The following ASNS variants were observed in gnomAD, a reference collection of about 807,000 sequenced individuals.
ASNS encodes asparagine synthetase [glutamine-hydrolyzing].
ASNS carries 37 observed loss-of-function variants against 62.6 expected under a neutral mutation model. That is an observed-to-expected ratio of 0.59 (90% CI 0.45 to 0.78). ASNS has a LOEUF of 0.78. Among genes scored for constraint, ASNS ranks in the 30% least tolerant of loss-of-function variants. The pLI, the probability that ASNS is intolerant of heterozygous loss-of-function variation, is 0.00. For synonymous variants in ASNS, 207 were observed against 237.9 expected (o/e 0.87, Z 1.19); for missense variants, 520 against 682.4 (o/e 0.76, Z 2.65).
the ASNS span, among the ~76,000 whole-genome samples, chr7:97,905,144 A>G: frequency 2.6e-5 from 4 of 152,206 alleles, no homozygotes; most frequent in African/African-American, 7.2e-5. Flanking sequence ...CCAAGATCTA[A>G]CATCGCCACT....
chr7:97,896,124 C>A, the ASNS span, among the ~76,000 whole-genome samples: 1 of 152,060 alleles, frequency 6.6e-6, no homozygotes, highest in African/African-American at 2.4e-5. Flanking sequence ...AATGACCATA[C>A]TACCTGAAGC....
At chr7:97,925,928 C>T in the ASNS span, among the ~76,000 whole-genome samples, 6,361 of 152,082 alleles carry the variant, frequency 0.042, 296 homozygotes, top group African/African-American at 0.11. Flanking sequence ...CATTCACAAG[C>T]GGTCAATAAA....
the ASNS span, chr7:97,906,822 T>C: frequency 1.3e-5 from 2 of 152,040 alleles, no homozygotes; most frequent in African/African-American, 2.4e-5. Flanking sequence ...GGACAGCCAA[T>C]GATATAGTTC....
At chr7:97,900,822 G>C in the ASNS span, among the ~76,000 whole-genome samples, 4 of 151,986 alleles carry the variant, frequency 2.6e-5, no homozygotes. Flanking sequence ...GGATTTGCAC[G>C]TATAATCTTG....
chr7:97,915,607 G>C, the ASNS span, among the ~76,000 whole-genome samples: 1 of 152,130 alleles, frequency 6.6e-6, no homozygotes, highest in Non-Finnish European at 1.5e-5. Flanking sequence ...CAGATAACAG[G>C]GGGTTGCTGT....
the ASNS span, among the ~76,000 whole-genome samples, chr7:97,924,274 C>T: frequency 6.6e-6 from 1 of 152,318 alleles, no homozygotes; most frequent in Admixed American, 6.5e-5. Context: ...TGTCCACCAA[C>T]ATGCGCAGGT....
chr7:97,869,542 G>C (rs935295936), intron 2 of ASNS, among the ~76,000 whole-genome samples: 1 of 152,118 alleles, frequency 6.6e-6, no homozygotes, highest in African/African-American at 2.4e-5. Context: ...ATGCAGGCTG[G>C]CTCCAACCTA....
intron 8 of ASNS, 47 bp downstream of exon 8, chr7:97,856,643 T>C: frequency 1.4e-6 from 2 of 1,461,842 alleles, no homozygotes; most frequent in South Asian, 1.4e-5. Context: ...TACATTTTTT[T>C]CAGTATTAAA....
chr7:97,854,360 C>T lies in ASNS; in HGVS notation c.1238+220G>A, dbSNP rs73396234. Among the ~76,000 whole-genome samples the T allele has an allele frequency of 8.6e-3, 1,316 of 152,330 alleles. 13 individuals are homozygous for T. Among genetic ancestry groups the T allele is most frequent in the African/African-American group, 0.03 (1,256 of 41,582 alleles). ...GAAGAAGACTTCTCTCCATATACCA[C>T]AACACCACTTTGAAATGTGGCCTAA... On this transcript the variant is annotated intron_variant, in intron 10 of 12. Coordinates refer to ENST00000394308, the MANE Select transcript of ASNS (RefSeq NM_001673.5).
chr7:97,918,968 G>A, the ASNS span, among the ~76,000 whole-genome samples: 4 of 152,244 alleles, frequency 2.6e-5, no homozygotes, highest in South Asian at 8.3e-4. Flanking sequence ...AAAGAAAAAG[G>A]TGTGGAGAGG....
chr7:97,855,979 G>A (rs1188371160), intron 8 of ASNS, among the ~76,000 whole-genome samples: 1 of 152,100 alleles, frequency 6.6e-6, no homozygotes, highest in Non-Finnish European at 1.5e-5. Context: ...TCTCAACCTT[G>A]TTTTTATTAT....
intron 3 of ASNS, among the ~76,000 whole-genome samples, chr7:97,866,254 A>C (rs1416435745): frequency 6.6e-6 from 1 of 152,236 alleles, no homozygotes; most frequent in Non-Finnish European, 1.5e-5. Context: ...TCATTCCCTG[A>C]AAAATAAATG....
At chr7:97,912,591 T>TTG in the ASNS span, among the ~76,000 whole-genome samples, 1 of 79,374 alleles carries the variant, frequency 1.3e-5, no homozygotes, top group African/African-American at 5.2e-5. Flanking sequence ...TTTTTTTTTT[T>TTG]TTCTGTTTTC....
chr7:97,857,502 TC>T (rs1453167039), intron 7 of ASNS, among the ~76,000 whole-genome samples: 1 of 151,684 alleles, frequency 6.6e-6, no homozygotes, highest in Non-Finnish European at 1.5e-5. Context: ...CCTTAAAATT[TC>T]CCCATAGCAG....
At chr7:97,925,320 ACAG>A in the ASNS span, among the ~76,000 whole-genome samples, 3 of 152,134 alleles carry the variant, frequency 2.0e-5, no homozygotes, top group Non-Finnish European at 4.4e-5. Flanking sequence ...CATAAAGGGT[ACAG>A]CAGGGACCCA....
chr7:97,885,258 A>G, the ASNS span, among the ~76,000 whole-genome samples: 1 of 152,262 alleles, frequency 6.6e-6, no homozygotes, highest in Non-Finnish European at 1.5e-5. Context: ...ATTCCATTGC[A>G]TAGTCAAACC....
chr7:97,867,780 T>C (rs1792047003), intron 3 of ASNS, among the ~76,000 whole-genome samples: 1 of 152,188 alleles, frequency 6.6e-6, no homozygotes, highest in Non-Finnish European at 1.5e-5. Context: ...TAAAGAAATG[T>C]GTAAAAGGAA....
the ASNS span, among the ~76,000 whole-genome samples, chr7:97,905,665 C>G: frequency 6.6e-6 from 1 of 152,162 alleles, no homozygotes; most frequent in Admixed American, 6.5e-5. Context: ...CTCTGCCTTT[C>G]CCATGTTATA....
chr7:97,882,859 T>C, the ASNS span, among the ~76,000 whole-genome samples: 1 of 152,180 alleles, frequency 6.6e-6, no homozygotes, highest in Non-Finnish European at 1.5e-5. Flanking sequence ...CACAGCAATA[T>C]TAAAACTGAA....
Sources: gnomAD v4.1 joint callset for allele counts (sites outside exome capture counted in the v4.1 genomes callset) on GRCh38, gnomAD v4.1.1 for gene constraint, MANE v1.5 for transcripts, NCBI Gene and HGNC (gene_info 2026-07-23, HGNC 2026-07-21) for gene names.